ANTXR2: variants seen among roughly 807,000 people sequenced by gnomAD.
The protein encoded by ANTXR2 is ANTXR cell adhesion molecule 2.
Under a neutral mutation model 73.7 loss-of-function variants are expected in ANTXR2, and 44 were observed. The ratio of observed to expected loss-of-function variants is 0.60; its 90% CI spans 0.47 to 0.77. The LOEUF (loss-of-function observed/expected upper bound fraction) is 0.77, where lower values mean the gene tolerates loss of function less well. Among genes scored for constraint, ANTXR2 ranks in the 30% least tolerant of loss-of-function variants. The probability of loss-of-function intolerance (pLI) is 0.00; values close to 1 mark genes in which losing one functional copy is unlikely to be tolerated. For missense variants in ANTXR2, 604 were observed against 592.5 expected, an observed-to-expected ratio of 1.02 and a Z score of -0.20; for synonymous variants, 217 against 205.9, an observed-to-expected ratio of 1.05 and a Z score of -0.46.
chr4:79,988,676 C>A (rs541263639), intron 12 of ANTXR2, among the ~76,000 whole-genome samples: 1 of 151,946 alleles, frequency 6.6e-6, no homozygotes, highest in African/African-American at 2.4e-5. Context: ...GAATACCCAA[C>A]AACAACAGAA....
intron 11 of ANTXR2, 121 bp downstream of exon 11, chr4:80,018,777 G>T (rs1371128485): frequency 3.7e-6 from 3 of 819,080 alleles, no homozygotes; most frequent in African/African-American, 3.7e-5. Context: ...TCCTTGTAAT[G>T]GTCTCCAATG....
chr4:79,920,453 T>C (rs562802025), intron 16 of ANTXR2, among the ~76,000 whole-genome samples: 1 of 152,190 alleles, frequency 6.6e-6, no homozygotes, highest in Admixed American at 6.6e-5. Context: ...CTATGAATAA[T>C]CTATGCCAAA....
intron 14 of ANTXR2, 69 bp downstream of exon 14, chr4:79,983,809 C>G: frequency 1.6e-6 from 2 of 1,213,322 alleles, no homozygotes; most frequent in South Asian, 2.5e-5. Context: ...AAAGTAGTTT[C>G]TATGGCTTAA....
At chr4:79,929,839 C>A (rs1464769522) in intron 16 of ANTXR2, among the ~76,000 whole-genome samples, 1 of 152,144 alleles carries the variant, frequency 6.6e-6, no homozygotes, top group East Asian at 1.9e-4. Flanking sequence ...TTTCCGACAA[C>A]AAGAGCAATA....
chr4:79,927,612 T>C (rs1049837300), intron 16 of ANTXR2, among the ~76,000 whole-genome samples: 2 of 152,206 alleles, frequency 1.3e-5, no homozygotes, highest in Non-Finnish European at 2.9e-5. Context: ...ATTTTTATCG[T>C]TATAGTATTA....
chr4:79,954,554 G>A (rs771746245), intron 16 of ANTXR2, among the ~76,000 whole-genome samples: 17 of 152,136 alleles, frequency 1.1e-4, no homozygotes, highest in Non-Finnish European at 2.2e-4. Context: ...AGGCTGCAAT[G>A]AGCCTTGTGC....
At chr4:79,985,518 C>A (rs1426149074) in intron 12 of ANTXR2, among the ~76,000 whole-genome samples, 1 of 152,122 alleles carries the variant, frequency 6.6e-6, no homozygotes, top group Non-Finnish European at 1.5e-5. Flanking sequence ...GACCATCAAG[C>A]TGTGAGGAAA....
intron 11 of ANTXR2, among the ~76,000 whole-genome samples, chr4:80,016,441 CT>C (rs1404897618): frequency 6.6e-6 from 1 of 152,158 alleles, no homozygotes; most frequent in Non-Finnish European, 1.5e-5. Context: ...AGCATAAAAC[CT>C]TTTTCTGGTA....
At chr4:80,062,304 T>C (rs959445181) in intron 3 of ANTXR2, among the ~76,000 whole-genome samples, 3 of 152,218 alleles carry the variant, frequency 2.0e-5, no homozygotes, top group African/African-American at 7.2e-5. Flanking sequence ...AATTCACACC[T>C]GAAGTTCAGG....
rs1408598540 is a variant in ANTXR2, at chr4:79,960,338, A to G, written c.1428+17283T>C. 2.0e-5 allele frequency among the ~76,000 whole-genome samples: 3 copies of G among 152,304 alleles called. No individual in the cohort carries two copies. In the East Asian group the frequency reaches 5.8e-4, roughly 29 times the overall value. Reference sequence around the variant, plus strand: ...TTAATATATATGATGTATTATTTTCAGTATACTAACCTGCTTACTAAGAAG... The same window carrying G: ...TTAATATATATGATGTATTATTTTCGGTATACTAACCTGCTTACTAAGAAG... On this transcript the variant is annotated intron_variant, in intron 16 of 16. Coordinates refer to ENST00000403729, the MANE Select transcript of ANTXR2 (RefSeq NM_058172.6).
At chr4:80,012,057 G>C (rs1378492605) in intron 11 of ANTXR2, among the ~76,000 whole-genome samples, 11 of 152,166 alleles carry the variant, frequency 7.2e-5, no homozygotes, top group Admixed American at 6.5e-4. Context: ...GGAATCACTG[G>C]AAAGTTTCAA....
Position 79,903,451 on chromosome 4 carries a change from G to A in ANTXR2, c.*3978C>T, listed in dbSNP as rs534044536. The A allele has an allele frequency of 2.0e-5, 3 of 151,718 alleles. No individual in the cohort carries two copies. The highest frequency in any genetic ancestry group is 1.9e-4 in the East Asian group (1 of 5,164). 9.4% of individuals were successfully genotyped at this position (151,718 alleles called of 1,614,324 possible). A position where few individuals can be genotyped will look rare whatever the true frequency, so the allele number is the denominator to read the frequency against. ...AGCATATTTTTATACAAATTTACATGTTGTACTGTGTACTTACTTATCAGC... is the reference window on the plus strand; with the variant it reads ...AGCATATTTTTATACAAATTTACATATTGTACTGTGTACTTACTTATCAGC... On this transcript the variant is annotated 3_prime_UTR_variant, in exon 17 of 17. Transcript: ENST00000403729.
chr4:80,045,319 A>T (rs1348145337), intron 7 of ANTXR2, among the ~76,000 whole-genome samples: 4 of 151,742 alleles, frequency 2.6e-5, no homozygotes, highest in African/African-American at 9.7e-5. Context: ...CCCAAAATAG[A>T]TTATTTCTTC....
intron 11 of ANTXR2, among the ~76,000 whole-genome samples, chr4:80,016,289 C>T (rs1731867387): frequency 6.6e-6 from 1 of 152,048 alleles, no homozygotes; most frequent in African/African-American, 2.4e-5. Context: ...CTTATTTCTA[C>T]TCCAGTCAAA....
intron 16 of ANTXR2, chr4:79,964,721 C>T (rs1729286054): frequency 6.6e-6 from 1 of 152,254 alleles, no homozygotes; most frequent in Non-Finnish European, 1.5e-5. Flanking sequence ...TTTTGCCGCT[C>T]TCAACTACCT....
chr4:80,012,530 T>G (rs1480817264), intron 11 of ANTXR2, among the ~76,000 whole-genome samples: 1 of 152,182 alleles, frequency 6.6e-6, no homozygotes, highest in Admixed American at 6.5e-5. Flanking sequence ...CCCAAAGCCT[T>G]AAGTATGTAT....
rs1193743383 is a variant in ANTXR2 at position 79,902,342 on chromosome 4, TAG to T, written c.*5085_*5086del. On this transcript the variant is annotated 3_prime_UTR_variant, in exon 17 of 17. Transcript: ENST00000403729. ...TTAAGCTGTGTTCAAATTACTTACT[TAG>T]TAAAGTATTTTCCACTGAATACTTG... 3 of 152,136 alleles carry T rather than the reference TAG, an allele frequency of 2.0e-5. No individual in the cohort carries two copies. Among genetic ancestry groups the T allele is most frequent in the Non-Finnish European group, 2.9e-5 (2 of 68,020 alleles). The allele number at this position is 152,136 out of a possible 1,614,324, so 9.4% of individuals were successfully genotyped here.
intron 10 of ANTXR2, among the ~76,000 whole-genome samples, chr4:80,019,547 G>A (rs898611598): frequency 6.6e-6 from 1 of 152,260 alleles, no homozygotes; most frequent in South Asian, 2.1e-4. Context: ...AAAATGCCAA[G>A]GTTGTTTCAG....
rs540557527 is a variant in ANTXR2, at chr4:79,901,335, T to C, written c.*6094A>G. The C allele has an allele frequency of 1.8e-4, 28 of 152,200 alleles. 1 individual carries two copies. Among genetic ancestry groups the C allele is most frequent in the Non-Finnish European group, 3.4e-4 (23 of 68,000 alleles). 9.4% of individuals were successfully genotyped at this position (152,200 alleles called of 1,614,324 possible). ...ACAAATCAGATGGTGGAGTACATGA[T>C]AAGAAGTTTAGATTTGCTTCTAATT... On this transcript the variant is annotated 3_prime_UTR_variant, in exon 17 of 17. Transcript: ENST00000403729.
Sources: gnomAD v4.1 joint callset for allele counts (sites outside exome capture counted in the v4.1 genomes callset) on GRCh38, gnomAD v4.1.1 for gene constraint, MANE v1.5 for transcripts, NCBI Gene and HGNC (gene_info 2026-07-23, HGNC 2026-07-21) for gene names.